Variants in LIMS1 observed in about 807,000 individuals in gnomAD.
LIMS1 encodes LIM zinc finger domain containing 1, also known as LIM and senescent cell antigen-like-containing domain protein 1.
LIMS1 carries 18 observed loss-of-function variants against 44.1 expected under a neutral mutation model. That is an observed-to-expected ratio of 0.41 (90% confidence interval 0.28 to 0.61). The LOEUF (loss-of-function observed/expected upper bound fraction) is 0.61. LIMS1 is among the 20% of genes least tolerant of loss of function. The pLI is 0.32. For missense variants in LIMS1, 201 were observed against 422.0 expected (o/e 0.48, Z 4.59); for synonymous variants, 93 against 149.1 (o/e 0.62, Z 2.74).
chr2:108,572,443 C>T (rs139049661), intron 1 of LIMS1, among the ~76,000 whole-genome samples: 3,765 of 136,888 alleles, frequency 0.028, 118 homozygotes, highest in South Asian at 0.15. Flanking sequence ...AGTGCAGTGG[C>T]GCAGTCTCAG....
chr2:108,635,153 G>C (rs1189588059), intron 1 of LIMS1, among the ~76,000 whole-genome samples: 1 of 152,164 alleles, frequency 6.6e-6, no homozygotes, highest in Non-Finnish European at 1.5e-5. Flanking sequence ...GGCTGTGGCT[G>C]GGCGCGGTGA....
chr2:108,609,691 G>A (rs1687480945), intron 1 of LIMS1, among the ~76,000 whole-genome samples: 1 of 152,082 alleles, frequency 6.6e-6, no homozygotes, highest in Admixed American at 6.5e-5. Flanking sequence ...TCTCTCATTA[G>A]AGGAAGCACC....
exon 1 of LIMS1, chr2:108,534,513 G>C: frequency 8.4e-7 from 1 of 1,190,508 alleles, no homozygotes; most frequent in Admixed American, 4.6e-5. Flanking sequence ...CGGCTGGAGC[G>C]GCGCCGGGAG....
intron 1 of LIMS1, among the ~76,000 whole-genome samples, chr2:108,559,308 A>G (rs913841961): frequency 1.3e-5 from 2 of 152,248 alleles, no homozygotes; most frequent in Non-Finnish European, 2.9e-5. Context: ...CAGCGACATT[A>G]AAACACTTCA....
intron 1 of LIMS1, among the ~76,000 whole-genome samples, chr2:108,551,744 TATAC>T (rs1484179907): frequency 1.4e-5 from 2 of 146,268 alleles, no homozygotes; most frequent in South Asian, 2.1e-4. Flanking sequence ...TGATATACAA[TATAC>T]ATACATACCT....
chr2:108,584,818 G>C (rs888672444), intron 1 of LIMS1, among the ~76,000 whole-genome samples: 1 of 151,992 alleles, frequency 6.6e-6, no homozygotes, highest in African/African-American at 2.4e-5. Flanking sequence ...TAAAGTGAGC[G>C]GCAGGAAGTG....
intron 7 of LIMS1, among the ~76,000 whole-genome samples, chr2:108,677,744 T>G (rs970320633): frequency 3.3e-5 from 5 of 152,220 alleles, no homozygotes; most frequent in African/African-American, 1.2e-4. Context: ...ACTCACAGAT[T>G]TCTATATTTT....
At chr2:108,572,380 CTTT>C (rs780841996) in intron 1 of LIMS1, among the ~76,000 whole-genome samples, 2 of 112,750 alleles carry the variant, frequency 1.8e-5, no homozygotes, top group African/African-American at 3.3e-5. Context: ...GGGACTCTTG[CTTT>C]TTTTTTTTTT....
At chr2:108,552,283 CTA>C (rs954087861) in intron 1 of LIMS1, among the ~76,000 whole-genome samples, 19 of 131,518 alleles carry the variant, frequency 1.4e-4, no homozygotes, top group South Asian at 2.7e-4. Context: ...ATATATGAAA[CTA>C]TATATATACT....
chr2:108,551,951 GTGTATATA>G (rs1412494286), intron 1 of LIMS1, among the ~76,000 whole-genome samples: 3 of 128,330 alleles, frequency 2.3e-5, no homozygotes, highest in African/African-American at 3.0e-5. Context: ...GTGTGTGTGT[GTGTATATA>G]TATATATATA....
intron 1 of LIMS1, among the ~76,000 whole-genome samples, chr2:108,619,714 T>C (rs1260328799): frequency 1.3e-5 from 2 of 151,874 alleles, no homozygotes; most frequent in Non-Finnish European, 2.9e-5. Flanking sequence ...ACAAAAAGAA[T>C]TGGATACTTC....
Position 108,541,182 on chromosome 2 carries a change from C to T in LIMS1, c.32+6588C>T, listed in dbSNP as rs1334982325. On this transcript the variant is annotated intron_variant, in intron 1 of 9. Transcript: ENST00000544547. The stretch of plus-strand genomic sequence containing the variant: ...CCCCAGAGAGATCCCTTCCTATTGA[C>T]GGGCTTCCTTACCAATGCATCAGCT... Among the ~76,000 whole-genome samples the T allele has an allele frequency of 2.6e-5, 4 of 152,240 alleles. No homozygotes were observed. In the East Asian group the frequency reaches 5.8e-4, roughly 22 times the overall value.
chr2:108,659,133 G>C, intron 1 of LIMS1: 1 of 981,144 alleles, frequency 1.0e-6, no homozygotes, highest in Non-Finnish European at 1.2e-6. Context: ...TAATCAAAGG[G>C]ATAACCCGTG....
intron 1 of LIMS1, among the ~76,000 whole-genome samples, chr2:108,549,440 G>A (rs778858492): frequency 1.3e-4 from 20 of 151,662 alleles, no homozygotes; most frequent in African/African-American, 4.4e-4. Context: ...GACTACAGGC[G>A]TGTACCACCA....
intron 1 of LIMS1, among the ~76,000 whole-genome samples, chr2:108,613,506 A>G (rs1687771261): frequency 2.0e-5 from 3 of 150,990 alleles, no homozygotes; most frequent in South Asian, 2.1e-4. Flanking sequence ...CTCCCTCCCT[A>G]CACATCTCTG....
At chr2:108,624,581 AC>A (rs1238485680) in intron 1 of LIMS1, among the ~76,000 whole-genome samples, 2 of 150,992 alleles carry the variant, frequency 1.3e-5, no homozygotes, top group African/African-American at 4.9e-5. Context: ...ACGTGGTGAA[AC>A]CCCATCTCTA....
intron 1 of LIMS1, among the ~76,000 whole-genome samples, chr2:108,639,894 A>T (rs1319191013): frequency 6.6e-6 from 1 of 152,218 alleles, no homozygotes; most frequent in Admixed American, 6.5e-5. Flanking sequence ...AAGTTGACAA[A>T]TTCAACTTAC....
Position 108,680,780 on chromosome 2 carries a change from C to T in LIMS1, c.899+10C>T, listed in dbSNP as rs574060683. Reference sequence around the variant, plus strand: ...CTAAATTAACACTCAAGTAAGTGTACGGTTTTGTCCAGTGTGAATCCTAAG... The same window carrying T: ...CTAAATTAACACTCAAGTAAGTGTATGGTTTTGTCCAGTGTGAATCCTAAG... On this transcript the variant is annotated intron_variant, in intron 9 of 9. Transcript: ENST00000544547. The T allele has an allele frequency of 7.5e-6, 12 of 1,605,026 alleles. No homozygotes were observed. Among genetic ancestry groups the T allele is most frequent in the Admixed American group, 1.7e-5 (1 of 58,128 alleles).
At chr2:108,623,300 A>G (rs1391206782) in intron 1 of LIMS1, among the ~76,000 whole-genome samples, 1 of 151,938 alleles carries the variant, frequency 6.6e-6, no homozygotes, top group Non-Finnish European at 1.5e-5. Context: ...GAGGTTTCTG[A>G]GCTAATAGGA....
Sources: allele counts gnomAD v4.1 joint callset (sites outside exome capture counted in the v4.1 genomes callset), GRCh38; gene constraint gnomAD v4.1.1; transcripts MANE v1.5; gene names NCBI Gene and HGNC (gene_info 2026-07-23, HGNC 2026-07-21).